Variants in GRIK2 observed in about 807,000 individuals in gnomAD.
GRIK2 encodes the protein glutamate ionotropic receptor kainate type subunit 2, also known as glutamate receptor ionotropic, kainate 2.
In GRIK2, 32 loss-of-function variants were observed where a neutral mutation model predicts 100.3. The observed-to-expected ratio is 0.32, with a 90% CI of 0.24 to 0.43. The LOEUF (loss-of-function observed/expected upper bound fraction) is 0.43. GRIK2 is among the 20% of genes least tolerant of loss of function. The pLI, the probability that GRIK2 is intolerant of heterozygous loss-of-function variation, is 1.00. For synonymous variants in GRIK2, 417 were observed against 389.4 expected (o/e 1.07, Z -0.83); for missense variants, 843 against 1,114.9 (o/e 0.76, Z 3.47).
At chr6:102,060,195 T>C (rs1309685428) in intron 16 of GRIK2, among the ~76,000 whole-genome samples, 1 of 150,818 alleles carries the variant, frequency 6.6e-6, no homozygotes, top group Non-Finnish European at 1.5e-5. Flanking sequence ...TGGCAAATTT[T>C]ACCTAAGACA....
chr6:101,822,250 A>G (rs554539611), intron 10 of GRIK2, among the ~76,000 whole-genome samples: 7 of 151,444 alleles, frequency 4.6e-5, no homozygotes, highest in African/African-American at 1.5e-4. Flanking sequence ...ACACAAACAC[A>G]TACAACTTAT....
At chr6:101,462,542 TA>T in intron 2 of GRIK2, among the ~76,000 whole-genome samples, 1 of 152,260 alleles carries the variant, frequency 6.6e-6, no homozygotes, top group South Asian at 2.1e-4. Flanking sequence ...TTATTTTTCT[TA>T]AAAAAATTAT....
At chr6:101,774,341 G>C (rs1260043964) in intron 7 of GRIK2, among the ~76,000 whole-genome samples, 1 of 152,126 alleles carries the variant, frequency 6.6e-6, no homozygotes, top group East Asian at 1.9e-4. Context: ...CAAATATCAA[G>C]ATAATTGGAT....
At chr6:101,951,382 C>G (rs1791595659) in intron 14 of GRIK2, among the ~76,000 whole-genome samples, 2 of 152,120 alleles carry the variant, frequency 1.3e-5, no homozygotes, top group Non-Finnish European at 2.9e-5. Flanking sequence ...CTAGACACTG[C>G]CAATAGTAAA....
chr6:101,998,812 CTTTTT>C (rs755522043), intron 14 of GRIK2, among the ~76,000 whole-genome samples: 1 of 110,076 alleles, frequency 9.1e-6, no homozygotes, highest in Non-Finnish European at 1.8e-5. Context: ...TTTTTCTTTT[CTTTTT>C]TTTTTTTTTT....
At chr6:101,464,711 A>G (rs550236002) in intron 2 of GRIK2, among the ~76,000 whole-genome samples, 11 of 151,176 alleles carry the variant, frequency 7.3e-5, no homozygotes, top group South Asian at 2.1e-4. Context: ...TAGTAGAGAC[A>G]GGGTTTCACC....
intron 2 of GRIK2, among the ~76,000 whole-genome samples, chr6:101,466,851 A>G (rs1374095870): frequency 1.3e-5 from 2 of 152,220 alleles, no homozygotes; most frequent in Non-Finnish European, 2.9e-5. Flanking sequence ...TGTTGTCTAT[A>G]TAAAGTATGG....
chr6:101,785,544 G>C (rs1437621469), intron 7 of GRIK2, among the ~76,000 whole-genome samples: 1 of 151,970 alleles, frequency 6.6e-6, no homozygotes, highest in Non-Finnish European at 1.5e-5. Flanking sequence ...TGGGTATCCA[G>C]TTTTTTTCAG....
At chr6:101,759,290 A>G (rs901876948) in intron 7 of GRIK2, among the ~76,000 whole-genome samples, 1 of 152,118 alleles carries the variant, frequency 6.6e-6, no homozygotes, top group Non-Finnish European at 1.5e-5. Context: ...CATTAGTAAA[A>G]TTTTCTCAAC....
chr6:101,521,388 T>C (rs549976861), intron 2 of GRIK2, among the ~76,000 whole-genome samples: 21 of 152,116 alleles, frequency 1.4e-4, no homozygotes, highest in African/African-American at 5.1e-4. Context: ...TTTTTCTATG[T>C]TTCAAAAAGT....
chr6:101,471,221 G>C (rs1057406527), intron 2 of GRIK2, among the ~76,000 whole-genome samples: 7 of 151,990 alleles, frequency 4.6e-5, no homozygotes, highest in Non-Finnish European at 1.0e-4. Context: ...TATATTCTCT[G>C]AGGTTTATTT....
intron 10 of GRIK2, among the ~76,000 whole-genome samples, chr6:101,835,464 CTTTTTTTTTTT>C (rs764148146): frequency 1.1e-5 from 1 of 89,044 alleles, no homozygotes; most frequent in South Asian, 4.4e-4. Flanking sequence ...CTATGAGTTC[CTTTTTTTTTTT>C]TTTTTTTTTT....
intron 10 of GRIK2, among the ~76,000 whole-genome samples, chr6:101,828,379 A>C (rs1782468632): frequency 6.6e-6 from 1 of 151,988 alleles, no homozygotes; most frequent in Non-Finnish European, 1.5e-5. Context: ...CTAGAAAAAC[A>C]AGAACAAACT....
At chr6:101,961,707 T>C (rs936354441) in intron 14 of GRIK2, among the ~76,000 whole-genome samples, 10 of 152,102 alleles carry the variant, frequency 6.6e-5, no homozygotes, top group Admixed American at 6.5e-4. Context: ...CCAAGGGCAC[T>C]TCGGCATGTG....
chr6:101,728,630 G>A (rs1242582558), intron 7 of GRIK2, among the ~76,000 whole-genome samples: 3 of 151,646 alleles, frequency 2.0e-5, no homozygotes, highest in African/African-American at 7.3e-5. Context: ...ATTGGAGCCT[G>A]GATTATCTAA....
intron 2 of GRIK2, among the ~76,000 whole-genome samples, chr6:101,428,767 C>T (rs1311240825): frequency 6.6e-6 from 1 of 152,114 alleles, no homozygotes; most frequent in Non-Finnish European, 1.5e-5. Context: ...GCCTTGTTTC[C>T]TCTCCTAAGG....
chr6:101,548,679 G>GTCA, intron 2 of GRIK2, among the ~76,000 whole-genome samples: 1 of 152,084 alleles, frequency 6.6e-6, no homozygotes, highest in South Asian at 2.1e-4. Context: ...TATCATCATT[G>GTCA]TCATCATCAT....
intron 4 of GRIK2, among the ~76,000 whole-genome samples, chr6:101,636,791 T>A (rs1781042790): frequency 6.6e-6 from 1 of 152,066 alleles, no homozygotes; most frequent in Non-Finnish European, 1.5e-5. Flanking sequence ...ATAATTCTGG[T>A]GATAGTCAAA....
chr6:101,828,987 G>T (rs571191792), intron 10 of GRIK2, among the ~76,000 whole-genome samples: 1 of 151,924 alleles, frequency 6.6e-6, no homozygotes, highest in Non-Finnish European at 1.5e-5. Flanking sequence ...CAATATTCTT[G>T]ATGAACATAG....
Sources: allele counts gnomAD v4.1 joint callset (sites outside exome capture counted in the v4.1 genomes callset), GRCh38; gene constraint gnomAD v4.1.1; transcripts MANE v1.5; gene names NCBI Gene and HGNC (gene_info 2026-07-23, HGNC 2026-07-21).